ANXA6: variants seen among roughly 807,000 people sequenced by gnomAD.
The protein encoded by ANXA6 is annexin A6.
ANXA6 carries 71 observed loss-of-function variants against 95.4 expected under a neutral mutation model. That is an observed-to-expected ratio of 0.74 (90% confidence interval 0.61 to 0.91). The LOEUF (loss-of-function observed/expected upper bound fraction) is 0.91, where lower values mean the gene tolerates loss of function less well. ANXA6 is among the 40% of genes least tolerant of loss of function. The probability of loss-of-function intolerance (pLI) is 0.00; values close to 1 mark genes in which losing one functional copy is unlikely to be tolerated. For missense variants in ANXA6, 830 were observed against 876.4 expected (o/e 0.95, Z 0.67); for synonymous variants, 289 against 315.9 (o/e 0.91, Z 0.90).
chr5:151,149,497 T>G (rs960023075), intron 1 of ANXA6, among the ~76,000 whole-genome samples: 1 of 151,896 alleles, frequency 6.6e-6, no homozygotes, highest in African/African-American at 2.4e-5. Flanking sequence ...ATTTGATCTC[T>G]TTTTTTTGAG....
At chr5:151,153,144 T>C (rs1766148172) in intron 1 of ANXA6, among the ~76,000 whole-genome samples, 1 of 152,112 alleles carries the variant, frequency 6.6e-6, no homozygotes, top group Non-Finnish European at 1.5e-5. Context: ...TACTGACTTC[T>C]TTGCCATCAC....
At chr5:151,102,279 A>T (rs35031193) in intron 25 of ANXA6, among the ~76,000 whole-genome samples, 7,253 of 152,302 alleles carry the variant, frequency 0.048, 197 homozygotes, top group African/African-American at 0.077. Context: ...CAATTTACTT[A>T]CATTCCTACT....
chr5:151,118,498 A>G (rs1279215963), intron 18 of ANXA6, among the ~76,000 whole-genome samples: 1 of 151,844 alleles, frequency 6.6e-6, no homozygotes, highest in East Asian at 1.9e-4. Context: ...CAGTGGCGTG[A>G]TATCGGCTCA....
At chr5:151,152,859 C>T (rs546023122) in intron 1 of ANXA6, among the ~76,000 whole-genome samples, 5 of 152,058 alleles carry the variant, frequency 3.3e-5, no homozygotes, top group Admixed American at 1.3e-4. Context: ...TTTCTGTCAT[C>T]GAAAGGTAGC....
intron 1 of ANXA6, among the ~76,000 whole-genome samples, chr5:151,156,959 G>A (rs1300903458): frequency 1.3e-5 from 2 of 152,174 alleles, no homozygotes; most frequent in Non-Finnish European, 2.9e-5. Context: ...TCCGATTCAG[G>A]GTATTTTGCT....
At chr5:151,107,287 T>G (rs1014973816) in intron 23 of ANXA6, among the ~76,000 whole-genome samples, 1 of 152,196 alleles carries the variant, frequency 6.6e-6, no homozygotes, top group Non-Finnish European at 1.5e-5. Flanking sequence ...CCTCACAAAA[T>G]CCACCCTATG....
chr5:151,151,865 C>G (rs1162591892), intron 1 of ANXA6, among the ~76,000 whole-genome samples: 1 of 152,240 alleles, frequency 6.6e-6, no homozygotes, highest in Non-Finnish European at 1.5e-5. Context: ...CCCTGATTCT[C>G]TCAGATCTAG....
chr5:151,153,232 T>TCCAG (rs1766151029), intron 1 of ANXA6, among the ~76,000 whole-genome samples: 1 of 152,234 alleles, frequency 6.6e-6, no homozygotes, highest in Admixed American at 6.5e-5. Flanking sequence ...CTTTCCAGAA[T>TCCAG]CTATACCAGT....
intron 10 of ANXA6, 101 bp from the exon 11 acceptor site, chr5:151,131,390 G>T (rs1765508649): frequency 1.6e-6 from 2 of 1,218,742 alleles, no homozygotes; most frequent in African/African-American, 1.5e-5. Flanking sequence ...GGGCCACCTA[G>T]CTCAATACAG....
Position 151,123,057 on chromosome 5 carries a change from C to T in ANXA6, c.1139-46G>A, listed in dbSNP as rs758621839. The T allele has an allele frequency of 2.2e-5, 33 of 1,529,620 alleles. 1 individual carries two copies. The highest frequency in any genetic ancestry group is 1.7e-4 in the Middle Eastern group (1 of 5,926). The allele number at this position is 1,529,620 out of a possible 1,614,324, so 94.8% of individuals were successfully genotyped here. ...GCCTCAGAAGAAGGCCTGTGGCTCT[C>T]GGCTTTCCCCATGCACCGCCCACTG... On this transcript the variant is annotated intron_variant, in intron 15 of 25. Transcript: ENST00000354546.
chr5:151,108,428 GC>G lies in ANXA6; in HGVS notation c.1780+26del, dbSNP rs1303811378. On this transcript the variant is annotated intron_variant, in intron 23 of 25. Coordinates refer to ENST00000354546, the MANE Select transcript of ANXA6 (RefSeq NM_001155.5). ...TCTGTTCAAGTTCCCAGTGCCCCCA[GC>G]CCTTCCCTTAGTCCCTGCCAGTTAC... 3 of 1,594,550 alleles carry G rather than the reference GC, an allele frequency of 1.9e-6. No individual in the cohort carries two copies. In the African/African-American group the frequency reaches 4.0e-5, roughly 21 times the overall value.
At chr5:151,145,800 C>T (rs1765961295) in intron 2 of ANXA6, among the ~76,000 whole-genome samples, 1 of 152,134 alleles carries the variant, frequency 6.6e-6, no homozygotes, top group South Asian at 2.1e-4. Flanking sequence ...AACCACTGCA[C>T]CCCAAGCATA....
chr5:151,128,120 A>G (rs377666325), intron 13 of ANXA6, 61 bp downstream of exon 13: 64 of 1,423,938 alleles, frequency 4.5e-5, no homozygotes, highest in Non-Finnish European at 6.0e-5. Context: ...GCGAGCCAGG[A>G]GAGTCCCCGC....
chr5:151,103,756 A>G, intron 24 of ANXA6, 64 bp from the exon 25 acceptor site: 9 of 1,533,836 alleles, frequency 5.9e-6, no homozygotes, highest in Non-Finnish European at 7.0e-6. Context: ...TCAGGCAAGA[A>G]ACAGTGGTAT....
chr5:151,134,357 A>G, intron 8 of ANXA6, 70 bp downstream of exon 8: 1 of 1,519,864 alleles, frequency 6.6e-7, no homozygotes, highest in Non-Finnish European at 9.1e-7. Context: ...AGCCCTTCCC[A>G]GGGCCCCAAC....
rs1375050725 is a variant in ANXA6 at position 151,109,794 on chromosome 5, A to G, written c.1643T>C (p.Met548Thr). The change falls in exon 22 of 26, where the codon ATG becomes ACG. Residue 548 changes from methionine to threonine, a missense_variant. Met to Thr is a moderately conservative substitution (Grantham distance 81). Transcript: ENST00000354546. ...ATAGCTCCGGGTACACAGGATCGTC[A>G]TGAAACGTGTCTCCAAGGAAGTTTT... ...GDKTSLETRF[M>T]TILCTRSYPH... 2 of 1,611,662 alleles carry G rather than the reference A, an allele frequency of 1.2e-6. No individual in the cohort carries two copies. Among genetic ancestry groups the G allele is most frequent in the Non-Finnish European group, 1.7e-6 (2 of 1,178,942 alleles).
intron 8 of ANXA6, chr5:151,133,389 T>C (rs764946005): frequency 1.0e-4 from 56 of 554,302 alleles, no homozygotes; most frequent in Non-Finnish European, 1.6e-4. Context: ...GACTTTGCCA[T>C]TGTGTGATCA....
At chr5:151,107,925 C>T (rs1202546324) in intron 23 of ANXA6, among the ~76,000 whole-genome samples, 1 of 151,874 alleles carries the variant, frequency 6.6e-6, no homozygotes, top group Non-Finnish European at 1.5e-5. Flanking sequence ...ATGTGGTGTG[C>T]ATGGGTCATG....
chr5:151,146,630 T>C (rs1209660546), intron 2 of ANXA6, among the ~76,000 whole-genome samples: 3 of 152,178 alleles, frequency 2.0e-5, no homozygotes, highest in Non-Finnish European at 4.4e-5. Flanking sequence ...CTGTGGCCAG[T>C]AGTTCTGGGT....
Sources: gnomAD v4.1 joint callset for allele counts (sites outside exome capture counted in the v4.1 genomes callset) on GRCh38, gnomAD v4.1.1 for gene constraint, MANE v1.5 for transcripts, NCBI Gene and HGNC (gene_info 2026-07-23, HGNC 2026-07-21) for gene names.